The following IGSF21 variants were observed in gnomAD, a reference collection of about 807,000 sequenced individuals.
The protein encoded by IGSF21 is immunoglobin superfamily member 21, also known as immunoglobulin superfamily member 21.
In IGSF21, 28 loss-of-function variants were observed where a neutral mutation model predicts 46.8. The ratio of observed to expected loss-of-function variants is 0.60; its 90% CI spans 0.44 to 0.82. IGSF21 has a LOEUF of 0.82. Ranked by LOEUF, IGSF21 falls within the 40% of genes least tolerant of loss-of-function variation. The pLI, the probability that IGSF21 is intolerant of heterozygous loss-of-function variation, is 0.00. For synonymous variants in IGSF21, 284 were observed against 273.6 expected, an observed-to-expected ratio of 1.04 and a Z score of -0.38; for missense variants, 624 against 665.5, an observed-to-expected ratio of 0.94 and a Z score of 0.69.
chr1:18,120,335 C>G (rs1184887017), intron 1 of IGSF21, among the ~76,000 whole-genome samples: 3 of 152,288 alleles, frequency 2.0e-5, no homozygotes, highest in African/African-American at 7.2e-5. Flanking sequence ...GGGGGCCTGG[C>G]AGGAAGCTGG....
chr1:18,249,172 C>A (rs539353911), intron 2 of IGSF21, among the ~76,000 whole-genome samples: 1 of 152,216 alleles, frequency 6.6e-6, no homozygotes, highest in African/African-American at 2.4e-5. Flanking sequence ...ACCTGGAGAA[C>A]AAAGGGGAGC....
chr1:18,173,984 C>A (rs1032791326), intron 1 of IGSF21, among the ~76,000 whole-genome samples: 14 of 152,206 alleles, frequency 9.2e-5, no homozygotes, highest in Non-Finnish European at 1.8e-4. Flanking sequence ...GAACTCCTGA[C>A]CTCGGGTGAT....
At chr1:18,210,744 A>G (rs1313741032) in intron 1 of IGSF21, among the ~76,000 whole-genome samples, 2 of 152,186 alleles carry the variant, frequency 1.3e-5, no homozygotes, top group Non-Finnish European at 2.9e-5. Flanking sequence ...AGATGCCAGT[A>G]GCGCAGCCCC....
At chr1:18,190,446 C>T (rs2086944459) in intron 1 of IGSF21, among the ~76,000 whole-genome samples, 1 of 152,204 alleles carries the variant, frequency 6.6e-6, no homozygotes, top group African/African-American at 2.4e-5. Flanking sequence ...GATGTGTGCA[C>T]AAGATTCCTG....
At chr1:18,308,884 G>C (rs2085453478) in intron 3 of IGSF21, among the ~76,000 whole-genome samples, 1 of 152,212 alleles carries the variant, frequency 6.6e-6, no homozygotes, top group South Asian at 2.1e-4. Context: ...CATCAGGCTA[G>C]ATCAGGGCAG....
intron 3 of IGSF21, among the ~76,000 whole-genome samples, chr1:18,298,709 C>T (rs1166553956): frequency 6.6e-6 from 1 of 152,204 alleles, no homozygotes; most frequent in East Asian, 1.9e-4. Context: ...CTCTGAGGTG[C>T]ATCGGTTCAC....
chr1:18,295,471 G>T (rs757448212), intron 3 of IGSF21, among the ~76,000 whole-genome samples: 6 of 152,204 alleles, frequency 3.9e-5, no homozygotes, highest in Non-Finnish European at 8.8e-5. Context: ...ATTCTGCAAA[G>T]AAGTGATTCT....
chr1:18,223,198 GTC>G (rs1326678411), intron 1 of IGSF21, among the ~76,000 whole-genome samples: 1 of 152,214 alleles, frequency 6.6e-6, no homozygotes, highest in Non-Finnish European at 1.5e-5. Flanking sequence ...CCAACCCCAG[GTC>G]TCTCTGTTTA....
chr1:18,308,572 G>A (rs1032130763), intron 3 of IGSF21, among the ~76,000 whole-genome samples: 9 of 152,178 alleles, frequency 5.9e-5, no homozygotes, highest in African/African-American at 1.9e-4. Flanking sequence ...CATTTTTATA[G>A]ATTAAAAAAC....
intron 7 of IGSF21, 104 bp downstream of exon 7, chr1:18,376,499 C>T: frequency 1.2e-6 from 1 of 866,472 alleles, no homozygotes; most frequent in East Asian, 2.4e-5. Flanking sequence ...TCCTTTGATC[C>T]CCAGCCACAT....
At chr1:18,235,664 G>A (rs530062778) in intron 2 of IGSF21, among the ~76,000 whole-genome samples, 2 of 152,326 alleles carry the variant, frequency 1.3e-5, no homozygotes, top group South Asian at 2.1e-4. Context: ...GGAAAAATGG[G>A]CAGAGACCGT....
chr1:18,374,518 C>T (rs2086260866), intron 6 of IGSF21, among the ~76,000 whole-genome samples: 1 of 151,894 alleles, frequency 6.6e-6, no homozygotes, highest in Admixed American at 6.5e-5. Context: ...GTATCCCAGG[C>T]CAGTGGCCCT....
At chr1:18,162,285 C>T (rs2086634324) in intron 1 of IGSF21, among the ~76,000 whole-genome samples, 1 of 152,200 alleles carries the variant, frequency 6.6e-6, no homozygotes, top group African/African-American at 2.4e-5. Flanking sequence ...TGAGCTCCAG[C>T]AATCTGCCTG....
At chr1:18,369,747 C>T (rs1324262894) in intron 6 of IGSF21, among the ~76,000 whole-genome samples, 1 of 152,216 alleles carries the variant, frequency 6.6e-6, no homozygotes, top group East Asian at 1.9e-4. Flanking sequence ...TGAGCCTTCG[C>T]TCCTCCTCTT....
intron 1 of IGSF21, among the ~76,000 whole-genome samples, chr1:18,152,714 GTTT>G (rs1557559651): frequency 6.6e-6 from 1 of 152,118 alleles, no homozygotes; most frequent in Non-Finnish European, 1.5e-5. Context: ...GGACCATGAA[GTTT>G]TGCCCTTCTC....
At chr1:18,268,051 C>G (rs546894140) in intron 2 of IGSF21, among the ~76,000 whole-genome samples, 1 of 152,204 alleles carries the variant, frequency 6.6e-6, no homozygotes, top group African/African-American at 2.4e-5. Context: ...TGCTGTGTCC[C>G]CAGTGCCCAG....
chr1:18,237,971 C>G (rs779877632), intron 2 of IGSF21, among the ~76,000 whole-genome samples: 23 of 151,708 alleles, frequency 1.5e-4, no homozygotes, highest in Non-Finnish European at 2.6e-4. Flanking sequence ...ATGTGGGGGC[C>G]TCAGGGTCCC....
intron 4 of IGSF21, among the ~76,000 whole-genome samples, chr1:18,349,599 G>A (rs1045128467): frequency 1.5e-4 from 23 of 152,168 alleles, no homozygotes; most frequent in Non-Finnish European, 2.9e-5. Context: ...ATGAGAAGGG[G>A]CAGGGAGTAA....
chr1:18,287,185 A>AT (rs201023013), intron 2 of IGSF21, among the ~76,000 whole-genome samples: 105,915 of 134,002 alleles, frequency 0.79, 42,877 homozygotes, highest in East Asian at 0.97. Context: ...CGTCTCAAAA[A>AT]AAAAAAATAA....
Sources: gnomAD v4.1 joint callset for allele counts (sites outside exome capture counted in the v4.1 genomes callset) on GRCh38, gnomAD v4.1.1 for gene constraint, MANE v1.5 for transcripts, NCBI Gene and HGNC (gene_info 2026-07-23, HGNC 2026-07-21) for gene names.